The following SYTL5 variants were observed in gnomAD, a reference collection of about 807,000 sequenced individuals.
SYTL5 encodes synaptotagmin like 5.
Under a neutral mutation model 55.9 loss-of-function variants are expected in SYTL5, and 34 were observed. The observed-to-expected ratio is 0.61, with a 90% confidence interval of 0.46 to 0.81. The LOEUF (loss-of-function observed/expected upper bound fraction) is 0.81, where lower values mean the gene tolerates loss of function less well. SYTL5 is among the 30% of genes least tolerant of loss of function. The pLI is 0.00. For synonymous variants in SYTL5, 221 were observed against 188.7 expected (o/e 1.17, Z -1.40); for missense variants, 637 against 546.7 (o/e 1.17, Z -1.65).
chrX:38,014,684 G>A (rs961465431), intron 1 of SYTL5, among the ~76,000 whole-genome samples: 4 of 111,614 alleles, frequency 3.6e-5, no homozygotes, highest in African/African-American at 1.3e-4. Flanking sequence ...AGCAGGGAGG[G>A]GGCTTCCAGG....
chrX:37,901,385 G>A, the SYTL5 span, among the ~76,000 whole-genome samples: 1 of 112,024 alleles, frequency 8.9e-6, no homozygotes, highest in Non-Finnish European at 1.9e-5. Flanking sequence ...ACACTACCCT[G>A]CCAGCAGACA....
At chrX:38,001,805 A>T (rs954489449), upstream of SYTL5, among the ~76,000 whole-genome samples, 6 of 111,575 alleles carry the variant, frequency 5.4e-5, no homozygotes, top group African/African-American at 2.0e-4. Context: ...TCTTTTAGTT[A>T]TATACCGAGC....
the SYTL5 span, chrX:37,991,366 T>C: frequency 1.2e-6 from 1 of 837,607 alleles, no homozygotes; most frequent in South Asian, 2.9e-5. Flanking sequence ...TAGGTGTCTG[T>C]AAGACATCCA....
chrX:38,042,293 C>T (rs951125249), intron 2 of SYTL5, among the ~76,000 whole-genome samples: 1 of 109,667 alleles, frequency 9.1e-6, no homozygotes, highest in Non-Finnish European at 1.9e-5. Context: ...TTTCAGGGCC[C>T]GGGTGTATAC....
the SYTL5 span, among the ~76,000 whole-genome samples, chrX:37,923,409 T>A: frequency 1.8e-5 from 2 of 111,457 alleles, no homozygotes; most frequent in Non-Finnish European, 3.8e-5. Flanking sequence ...TACTGTTTCA[T>A]TTATTACTCT....
intron 3 of SYTL5, among the ~76,000 whole-genome samples, chrX:38,065,045 T>C (rs1011527753): frequency 9.0e-6 from 1 of 111,519 alleles, no homozygotes; most frequent in Non-Finnish European, 1.9e-5. Context: ...TCTACTGGTA[T>C]TCGTATTATA....
the SYTL5 span, among the ~76,000 whole-genome samples, chrX:37,990,556 G>A: frequency 8.9e-6 from 1 of 112,263 alleles, no homozygotes; most frequent in African/African-American, 3.2e-5. Flanking sequence ...TTTTTATAAT[G>A]TCAAAATCAG....
chrX:37,949,054 T>C, the SYTL5 span, among the ~76,000 whole-genome samples: 2 of 111,511 alleles, frequency 1.8e-5, no homozygotes, highest in African/African-American at 6.5e-5. Context: ...ACCCGTTTCT[T>C]CTCTTGTCCA....
the SYTL5 span, among the ~76,000 whole-genome samples, chrX:37,925,688 GT>G: frequency 3.6e-5 from 4 of 110,463 alleles, no homozygotes; most frequent in Non-Finnish European, 7.6e-5. Flanking sequence ...GATTTTTGAG[GT>G]TTTGGTTCAC....
intron 10 of SYTL5, among the ~76,000 whole-genome samples, chrX:38,104,655 A>T (rs1313254627): frequency 8.9e-6 from 1 of 111,833 alleles, no homozygotes; most frequent in Admixed American, 9.5e-5. Context: ...CTTTTACCAA[A>T]AGCAAATTAT....
chrX:37,896,683 T>C, the SYTL5 span, among the ~76,000 whole-genome samples: 1 of 111,497 alleles, frequency 9.0e-6, no homozygotes, highest in Non-Finnish European at 1.9e-5. Flanking sequence ...ACACTAGAAA[T>C]GTGAATGAGG....
chrX:37,908,010 A>T, the SYTL5 span, among the ~76,000 whole-genome samples: 8 of 110,483 alleles, frequency 7.2e-5, no homozygotes, highest in East Asian at 1.7e-3. Flanking sequence ...CCAGCTACAC[A>T]GGAGGCTGAG....
chrX:38,065,658 G>T (rs904215006), intron 3 of SYTL5, among the ~76,000 whole-genome samples: 2 of 111,939 alleles, frequency 1.8e-5, no homozygotes, highest in Admixed American at 1.9e-4. Context: ...GTGTCTAGGG[G>T]TTTCTTTTCA....
intron 13 of SYTL5, 45 bp from the exon 14 acceptor site, chrX:38,120,313 C>A: frequency 2.1e-6 from 2 of 939,798 alleles, no homozygotes; most frequent in Non-Finnish European, 3.1e-6. Context: ...CAATACTAAG[C>A]CAATCATCCA....
chrX:38,002,672 C>T (rs149800931), upstream of SYTL5, among the ~76,000 whole-genome samples: 15 of 111,899 alleles, frequency 1.3e-4, 1 homozygote, highest in East Asian at 1.4e-3. Context: ...TCTTTTGAGA[C>T]GTGTCTGTTC....
At chrX:37,973,728 G>A in the SYTL5 span, among the ~76,000 whole-genome samples, 3 of 109,903 alleles carry the variant, frequency 2.7e-5, no homozygotes, top group African/African-American at 9.9e-5. Context: ...TCTGCCTCCC[G>A]GGTTCAAGTG....
the SYTL5 span, among the ~76,000 whole-genome samples, chrX:37,907,681 G>C: frequency 1.8e-5 from 2 of 111,526 alleles, no homozygotes; most frequent in East Asian, 5.6e-4. Context: ...GAAAAAAAAT[G>C]AATGAATAAA....
the SYTL5 span, among the ~76,000 whole-genome samples, chrX:37,993,778 G>A: frequency 8.9e-6 from 1 of 112,265 alleles, no homozygotes; most frequent in Non-Finnish European, 1.9e-5. Flanking sequence ...AACCTGGAGT[G>A]GTGTCCTAAA....
Position 38,064,589 on chromosome X carries a change from A to T in SYTL5, c.330-7458A>T, listed in dbSNP as rs193272918. ...TTTATGCTTCCCTTCATCTCTAAAT[A>T]TGTTTTTGCTTTGAAGGCTATTTTT... On this transcript the variant is annotated intron_variant, in intron 3 of 16. Transcript: ENST00000297875. Among the ~76,000 whole-genome samples the T allele has an allele frequency of 9.3e-3, 1,034 of 110,950 alleles. 10 individuals carry two copies. The highest frequency in any genetic ancestry group is 0.032 in the African/African-American group (995 of 30,620).
Sources: gnomAD v4.1 joint callset for allele counts (sites outside exome capture counted in the v4.1 genomes callset) on GRCh38, gnomAD v4.1.1 for gene constraint, MANE v1.5 for transcripts, NCBI Gene and HGNC (gene_info 2026-07-23, HGNC 2026-07-21) for gene names.